The following SOX5 variants were observed in gnomAD, a reference collection of about 807,000 sequenced individuals.
SOX5 encodes SRY-box transcription factor 5.
Under a neutral mutation model 92.0 loss-of-function variants are expected in SOX5, and 9 were observed. That is an observed-to-expected ratio of 0.10 (90% CI 0.06 to 0.17). The LOEUF is 0.17. Ranked by LOEUF, SOX5 falls within the 10% of genes least tolerant of loss-of-function variation. The pLI is 1.00. For missense variants in SOX5, 642 were observed against 944.5 expected (o/e 0.68, Z 4.20); for synonymous variants, 344 against 336.3 (o/e 1.02, Z -0.25).
At chr12:24,129,709 G>A (rs1949462240) in intron 4 of SOX5, among the ~76,000 whole-genome samples, 1 of 152,138 alleles carries the variant, frequency 6.6e-6, no homozygotes, top group South Asian at 2.1e-4. Flanking sequence ...GTGAAAGAGA[G>A]GTTCTGAAAT....
intron 2 of SOX5, among the ~76,000 whole-genome samples, chr12:24,294,510 T>C (rs1035032469): frequency 2.0e-5 from 3 of 152,206 alleles, no homozygotes; most frequent in Non-Finnish European, 2.9e-5. Context: ...CAAATGTGAA[T>C]ACCTCCATGC....
chr12:24,192,116 G>C (rs1956584260), intron 4 of SOX5, among the ~76,000 whole-genome samples: 1 of 152,146 alleles, frequency 6.6e-6, no homozygotes, highest in Non-Finnish European at 1.5e-5. Context: ...AATATATTAA[G>C]AATCATTCCT....
intron 2 of SOX5, among the ~76,000 whole-genome samples, chr12:23,879,415 A>T (rs1328050663): frequency 6.6e-6 from 1 of 152,214 alleles, no homozygotes; most frequent in East Asian, 1.9e-4. Flanking sequence ...TTAGTTCCCA[A>T]ATAATACATA....
intron 2 of SOX5, among the ~76,000 whole-genome samples, chr12:23,874,468 C>A (rs768883802): frequency 2.6e-5 from 4 of 152,022 alleles, no homozygotes; most frequent in Non-Finnish European, 5.9e-5. Flanking sequence ...TTAAAGTATT[C>A]TCTTTTTAAA....
intron 4 of SOX5, among the ~76,000 whole-genome samples, chr12:23,747,771 T>C (rs943054697): frequency 8.6e-5 from 13 of 151,970 alleles, no homozygotes; most frequent in African/African-American, 2.9e-4. Context: ...CTCCAGACAT[T>C]GTCAAATTCC....
chr12:23,706,302 C>T (rs2140293636), intron 6 of SOX5, among the ~76,000 whole-genome samples: 1 of 152,106 alleles, frequency 6.6e-6, no homozygotes, highest in South Asian at 2.1e-4. Context: ...TATTTATACA[C>T]ACTATTGGAA....
At chr12:24,098,799 G>C (rs1050063911) in intron 4 of SOX5, among the ~76,000 whole-genome samples, 3 of 152,150 alleles carry the variant, frequency 2.0e-5, no homozygotes, top group African/African-American at 7.2e-5. Context: ...GTAGAGGTAA[G>C]TAGGAGCTAA....
intron 1 of SOX5, among the ~76,000 whole-genome samples, chr12:24,547,223 C>T (rs10842368): frequency 0.25 from 33,958 of 137,418 alleles, 4,672 homozygotes; most frequent in African/African-American, 0.39. Flanking sequence ...CTCGCTCTGT[C>T]GCCCAGGCCG....
chr12:24,153,911 T>G (rs1951907802), intron 4 of SOX5, among the ~76,000 whole-genome samples: 1 of 151,992 alleles, frequency 6.6e-6, no homozygotes, highest in South Asian at 2.1e-4. Flanking sequence ...CAATACGTGT[T>G]TATCTTCAAA....
intron 4 of SOX5, among the ~76,000 whole-genome samples, chr12:24,140,116 A>G (rs12830420): frequency 0.13 from 19,955 of 152,224 alleles, 1,443 homozygotes; most frequent in Middle Eastern, 0.22. Flanking sequence ...CATATTTCAC[A>G]CTACTTAAGT....
At chr12:24,227,294 C>G (rs1962277221) in intron 3 of SOX5, 1 of 152,146 alleles carries the variant, frequency 6.6e-6, no homozygotes, top group Non-Finnish European at 1.5e-5. Flanking sequence ...CAGAGCTTCC[C>G]CAGGAAGGGA....
intron 11 of SOX5, among the ~76,000 whole-genome samples, chr12:23,559,019 G>C (rs1320023128): frequency 6.6e-6 from 1 of 152,230 alleles, no homozygotes; most frequent in Non-Finnish European, 1.5e-5. Context: ...TATGGAGTGA[G>C]TGACACAAAC....
At chr12:24,317,302 A>G (rs993951710) in intron 2 of SOX5, among the ~76,000 whole-genome samples, 2 of 152,206 alleles carry the variant, frequency 1.3e-5, no homozygotes, top group Non-Finnish European at 2.9e-5. Flanking sequence ...AAGACTTGCA[A>G]TTTTTTGAAC....
At chr12:24,093,478 G>A (rs1289525067) in intron 4 of SOX5, among the ~76,000 whole-genome samples, 1 of 150,372 alleles carries the variant, frequency 6.7e-6, no homozygotes, top group Non-Finnish European at 1.5e-5. Flanking sequence ...AGCCAAGATC[G>A]CGCCACTGCA....
At chr12:23,746,116 A>G (rs889235952) in intron 4 of SOX5, among the ~76,000 whole-genome samples, 8 of 152,292 alleles carry the variant, frequency 5.3e-5, no homozygotes, top group African/African-American at 1.9e-4. Context: ...CTAAACTGAG[A>G]TGAAGAAGTC....
intron 4 of SOX5, among the ~76,000 whole-genome samples, chr12:24,160,883 C>A (rs1236054509): frequency 2.6e-5 from 4 of 152,074 alleles, no homozygotes; most frequent in African/African-American, 9.7e-5. Flanking sequence ...CCTCTAGACA[C>A]AAACAATAGC....
At chr12:23,569,619 C>T (rs972239147) in intron 10 of SOX5, among the ~76,000 whole-genome samples, 2 of 152,184 alleles carry the variant, frequency 1.3e-5, no homozygotes, top group African/African-American at 4.8e-5. Context: ...ATGTGTCCTG[C>T]GTTTAAGCTG....
At chr12:23,930,580 T>C (rs557496258) in intron 1 of SOX5, among the ~76,000 whole-genome samples, 107 of 151,684 alleles carry the variant, frequency 7.1e-4, no homozygotes, top group Non-Finnish European at 1.3e-3. Context: ...TCTGATAATA[T>C]AGTCAACATT....
intron 3 of SOX5, among the ~76,000 whole-genome samples, chr12:24,215,133 A>G (rs1959064828): frequency 6.6e-6 from 1 of 152,138 alleles, no homozygotes; most frequent in African/African-American, 2.4e-5. Flanking sequence ...CATCTATGAA[A>G]AATCTACAAC....
Sources: allele counts gnomAD v4.1 joint callset (sites outside exome capture counted in the v4.1 genomes callset), GRCh38; gene constraint gnomAD v4.1.1; transcripts MANE v1.5; gene names NCBI Gene and HGNC (gene_info 2026-07-23, HGNC 2026-07-21).